ZNF845: variants seen among roughly 807,000 people sequenced by gnomAD.
The protein encoded by ZNF845 is zinc finger protein 845.
A neutral mutation model predicts 76.1 loss-of-function variants in ZNF845; 59 were observed. That is an observed-to-expected ratio of 0.78 (90% CI 0.63 to 0.96). The LOEUF (loss-of-function observed/expected upper bound fraction) is 0.96. ZNF845 is among the 40% of genes least tolerant of loss of function. ZNF845 has a pLI of 0.00. For missense variants in ZNF845, 1,045 were observed against 1,172.8 expected, an observed-to-expected ratio of 0.89 and a Z score of 1.59; for synonymous variants, 361 against 386.9, an observed-to-expected ratio of 0.93 and a Z score of 0.78.
At position 53,353,575 on chromosome 19, in the gene ZNF845, G is replaced by A. The variant is rs1183980527; in HGVS notation, c.2900G>A (p.Gly967Glu). 1 of 1,591,934 alleles carries A rather than the reference G, an allele frequency of 6.3e-7. No individual in the cohort carries two copies. The highest frequency in any genetic ancestry group is 8.6e-7 in the Non-Finnish European group (1 of 1,168,838). ...GCACGTCATCATAGAATTCATACTGGAAAGAAACATTAGAAATATGAAGAA... is the reference window on the plus strand; with the variant it reads ...GCACGTCATCATAGAATTCATACTGAAAAGAAACATTAGAAATATGAAGAA... ...KLARHHRIHTGKKH is the reference protein window; with the variant it reads ...KLARHHRIHTEKKH The change falls in exon 4 of 4, where the codon GGA (glycine) becomes GAA (glutamate). Residue 967 changes from glycine to glutamate, a missense_variant. Coordinates refer to ENST00000458035, the MANE Select transcript of ZNF845 (RefSeq NM_138374.3).
chr19:53,354,236 T>C lies in ZNF845; in HGVS notation c.*648T>C. On this transcript the variant is annotated 3_prime_UTR_variant, in exon 4 of 4. Coordinates refer to ENST00000458035, the MANE Select transcript of ZNF845 (RefSeq NM_138374.3). Reference sequence around the variant, plus strand: ...CCCTTAAGGAACATCAGAAAATTCATTTTTGAGATGATTGTTCCAAATGCA... The same window carrying C: ...CCCTTAAGGAACATCAGAAAATTCACTTTTGAGATGATTGTTCCAAATGCA... The C allele has an allele frequency of 2.0e-6, 1 of 497,368 alleles. No homozygotes were observed. The allele number at this position is 497,368 out of a possible 1,614,324, so 30.8% of individuals were successfully genotyped here. A position where few individuals can be genotyped will look rare whatever the true frequency, so the allele number is the denominator to read the frequency against.
rs115036589 is a variant in ZNF845 at position 53,349,297 on chromosome 19, T to C, written c.143-1521T>C. Among the ~76,000 whole-genome samples, 756 of 151,936 alleles carry C rather than the reference T, an allele frequency of 5.0e-3. 9 individuals carry two copies. Among genetic ancestry groups the C allele is most frequent in the African/African-American group, 0.017 (710 of 41,430 alleles). ...ATTGTGGCTTTTTTTCTGTTTTTTG[T>C]TTTTGTTTTTGTTTTGAGACAGAGT... On this transcript the variant is annotated intron_variant, in intron 3 of 3. Coordinates refer to ENST00000458035, the MANE Select transcript of ZNF845 (RefSeq NM_138374.3).
chr19:53,340,788 C>A (rs2085250693), intron 1 of ZNF845: 1 of 334,012 alleles, frequency 3.0e-6, no homozygotes, highest in Non-Finnish European at 5.4e-6. Context: ...CTGACCTCAT[C>A]TGTTTCCCGT....
rs71358898 is a variant in ZNF845 at position 53,338,526 on chromosome 19, A to G, written c.-73-2709A>G. Among the ~76,000 whole-genome samples the G allele has an allele frequency of 3.6e-3, 543 of 151,174 alleles. 5 individuals carry two copies. The highest frequency in any genetic ancestry group is 0.013 in the African/African-American group (517 of 41,070). On this transcript the variant is annotated intron_variant, in intron 1 of 3. Transcript: ENST00000458035. The stretch of plus-strand genomic sequence containing the variant: ...GGCATGAAGGACACACTCCTACACA[A>G]CTAGTTCTGTTCCGGAGCAGCTGGA...
At position 53,341,265 on chromosome 19, in the gene ZNF845, G is replaced by T. The variant is rs556009967; in HGVS notation, c.-43G>T. The T allele has an allele frequency of 6.7e-5, 108 of 1,613,254 alleles. 1 individual carries two copies. The East Asian group carries it at 2.3e-3, about 35-fold the overall frequency. On this transcript the variant is annotated 5_prime_UTR_variant, in exon 2 of 4. The change creates a new upstream start codon in the 5' untranslated region. Coordinates refer to ENST00000458035, the MANE Select transcript of ZNF845 (RefSeq NM_138374.3). ...ACTTCTAAAGACTCTTGGTACGTGA[G>T]GAAGAAACCCGGAAGAGGAAGAGGA... is the stretch of plus-strand genomic sequence containing the variant.
intron 1 of ZNF845, among the ~76,000 whole-genome samples, chr19:53,334,600 A>G (rs1329179895): frequency 6.6e-6 from 1 of 152,066 alleles, no homozygotes; most frequent in East Asian, 1.9e-4. Context: ...GGAGGGAAGC[A>G]CAGTAATGAA....
chr19:53,336,241 G>T (rs1461295131), intron 1 of ZNF845, among the ~76,000 whole-genome samples: 2 of 151,184 alleles, frequency 1.3e-5, no homozygotes, highest in East Asian at 3.9e-4. Flanking sequence ...ATCAAAGCTG[G>T]GCGTGGTGGC....
chr19:53,337,402 CAG>C (rs538850906), intron 1 of ZNF845, among the ~76,000 whole-genome samples: 45 of 151,998 alleles, frequency 3.0e-4, no homozygotes, highest in African/African-American at 1.1e-3. Context: ...TTTTTTTAGA[CAG>C]AGTCTCACTC....
Position 53,351,877 on chromosome 19 carries a change from A to G in ZNF845, c.1202A>G (p.His401Arg), listed in dbSNP as rs954955429. ...AGTCGGAAGTCATCCCTTACACGCC[A>G]TCGTAGACTTCATACTGGAGAGAAA... is the stretch of plus-strand genomic sequence containing the variant. Reference protein sequence around the residue: ...TFSRKSSLTRHRRLHTGEKPY... With the variant: ...TFSRKSSLTRRRRLHTGEKPY... The change falls in exon 4 of 4, where the codon CAT (histidine) becomes CGT (arginine). Residue 401 changes from histidine (H) to arginine (R), a missense_variant. By Grantham distance (29) the His-to-Arg change is conservative (BLOSUM62 0). Transcript: ENST00000458035. 2 of 1,613,830 alleles carry G rather than the reference A, an allele frequency of 1.2e-6. No individual in the cohort carries two copies. The highest frequency in any genetic ancestry group is 2.7e-5 in the African/African-American group (2 of 74,848).
chr19:53,338,290 C>A (rs1318040489), intron 1 of ZNF845, among the ~76,000 whole-genome samples: 1 of 152,198 alleles, frequency 6.6e-6, no homozygotes, highest in Non-Finnish European at 1.5e-5. Context: ...ACAGACCAGA[C>A]CCTGTGTCCT....
intron 2 of ZNF845, among the ~76,000 whole-genome samples, chr19:53,342,838 G>T (rs1032020516): frequency 6.6e-6 from 1 of 151,882 alleles, no homozygotes. Context: ...TATTTTTTGA[G>T]ACTGAGTTTT....
chr19:53,345,876 T>A (rs958394212), intron 3 of ZNF845, among the ~76,000 whole-genome samples: 1 of 151,462 alleles, frequency 6.6e-6, no homozygotes, highest in African/African-American at 2.4e-5. Context: ...TTTTTGTAGT[T>A]GTTGTTTTTG....
Position 53,355,556 on chromosome 19 carries a change from A to G in ZNF845, c.*1968A>G, listed in dbSNP as rs1156925442. The G allele has an allele frequency of 6.6e-6, 1 of 152,036 alleles. No homozygotes were observed. The highest frequency in any genetic ancestry group is 1.5e-5 in the Non-Finnish European group (1 of 68,014). 9.4% of individuals were successfully genotyped at this position (152,036 alleles called of 1,614,324 possible). A position where few individuals can be genotyped will look rare whatever the true frequency, so the allele number is the denominator to read the frequency against. On this transcript the variant is annotated 3_prime_UTR_variant, in exon 4 of 4. Transcript: ENST00000458035. ...ATTATCCGCCCACTTCGGACTTGCAAATTGCTGGGATTATGGGTGTGAGCC... is the reference window on the plus strand; with the variant it reads ...ATTATCCGCCCACTTCGGACTTGCAGATTGCTGGGATTATGGGTGTGAGCC...
At chr19:53,345,925 C>T (rs1319074695) in intron 3 of ZNF845, among the ~76,000 whole-genome samples, 1 of 150,942 alleles carries the variant, frequency 6.6e-6, no homozygotes, top group African/African-American at 2.4e-5. Flanking sequence ...GTTGTTGAAG[C>T]TGGTCTTGGT....
chr19:53,338,557 C>T lies in ZNF845; in HGVS notation c.-73-2678C>T, dbSNP rs547802565. 3.3e-3 allele frequency among the ~76,000 whole-genome samples: 490 copies of T among 146,368 alleles called. 16 individuals are homozygous for T. The highest frequency in any genetic ancestry group is 6.0e-3 in the Non-Finnish European group (392 of 65,878). The stretch of plus-strand genomic sequence containing the variant: ...TCTGTTCCGGAGCAGCTGGAGGCTC[C>T]GTGACTTTAGGAAAGATTCTTCCAA... On this transcript the variant is annotated intron_variant, in intron 1 of 3. Transcript: ENST00000458035.
At position 53,353,888 on chromosome 19, in the gene ZNF845, A is replaced by C. The variant is rs1176862076; in HGVS notation, c.*300A>C. The C allele has an allele frequency of 9.0e-7, 1 of 1,105,418 alleles. No homozygotes were observed. 68.5% of individuals were successfully genotyped at this position (1,105,418 alleles called of 1,614,324 possible). A position where few individuals can be genotyped will look rare whatever the true frequency, so the allele number is the denominator to read the frequency against. On this transcript the variant is annotated 3_prime_UTR_variant, in exon 4 of 4. Transcript: ENST00000458035. ...CTTCAGTAACACTACAACCGTTTCA[A>C]ATCATTGGAGAATCCATAATGAGAG...
chr19:53,340,706 A>T (rs1415232723), intron 1 of ZNF845: 3 of 273,220 alleles, frequency 1.1e-5, no homozygotes, highest in African/African-American at 6.7e-5. Flanking sequence ...TCATTTTAAA[A>T]ATTCTTTGGA....
rs1256278388 is a variant in ZNF845, at chr19:53,353,666, C to T, written c.*78C>T. 6.4e-5 allele frequency: 98 copies of T among 1,520,224 alleles called. No individual in the cohort carries two copies. The highest frequency in any genetic ancestry group is 8.2e-5 in the Non-Finnish European group (93 of 1,137,716). The allele number at this position is 1,520,224 out of a possible 1,614,324, so 94.2% of individuals were successfully genotyped here. ...AGGAGAATTCATACTGGAGAGAAAG[C>T]TTACAAATGTAAGAGTTTGTGACAA... On this transcript the variant is annotated 3_prime_UTR_variant, in exon 4 of 4. Transcript: ENST00000458035.
intron 3 of ZNF845, among the ~76,000 whole-genome samples, chr19:53,348,519 C>G (rs1168372565): frequency 6.6e-6 from 1 of 152,176 alleles, no homozygotes; most frequent in Non-Finnish European, 1.5e-5. Context: ...GTAGTCAACA[C>G]CCATGACCAA....
Sources: gnomAD v4.1 joint callset for allele counts (sites outside exome capture counted in the v4.1 genomes callset) on GRCh38, gnomAD v4.1.1 for gene constraint, MANE v1.5 for transcripts, NCBI Gene and HGNC (gene_info 2026-07-23, HGNC 2026-07-21) for gene names.